Variants in SCPEP1 observed in about 807,000 individuals in gnomAD.
The protein encoded by SCPEP1 is serine carboxypeptidase 1.
SCPEP1 carries 51 observed loss-of-function variants against 63.8 expected under a neutral mutation model. The observed-to-expected ratio is 0.80, with a 90% CI of 0.64 to 1.01. The LOEUF is 1.01. Ranked by LOEUF, SCPEP1 falls within the 50% of genes least tolerant of loss-of-function variation. The probability of loss-of-function intolerance (pLI) is 0.00; values close to 1 mark genes in which losing one functional copy is unlikely to be tolerated. For missense variants in SCPEP1, 499 were observed against 554.9 expected (o/e 0.90, Z 1.01); for synonymous variants, 204 against 207.8 (o/e 0.98, Z 0.16).
rs1341861081 is a variant in SCPEP1, at chr17:57,000,724, A to C, written c.995-131A>C. The C allele has an allele frequency of 1.9e-6, 2 of 1,062,758 alleles. 1 individual carries two copies. The highest frequency in any genetic ancestry group is 4.9e-5 in the East Asian group (2 of 41,184). 65.8% of individuals were successfully genotyped at this position (1,062,758 alleles called of 1,614,324 possible). ...TCGGCACAAATTTCTGGGCTGGTTC[A>C]TCCCTGTTTGTGAAGCATCTGTGCA... is the stretch of plus-strand genomic sequence containing the variant. On this transcript the variant is annotated intron_variant, in intron 10 of 12. Coordinates refer to ENST00000262288, the MANE Select transcript of SCPEP1 (RefSeq NM_021626.3).
At chr17:56,999,183 G>T (rs990947798) in intron 10 of SCPEP1, among the ~76,000 whole-genome samples, 3 of 152,172 alleles carry the variant, frequency 2.0e-5, no homozygotes, top group African/African-American at 7.2e-5. Context: ...TTGCAGATGA[G>T]ATTTCGCGCC....
In SCPEP1 at chr17:56,984,482, T is replaced by C. The variant is rs1450371710; in HGVS notation, c.226-896T>C. ...CCTATTTGCCTCTTAGTTTCTTTTT[T>C]CTCTGAAGCCCTCAGAGCCCATAGA... On this transcript the variant is annotated intron_variant, in intron 2 of 12. Coordinates refer to ENST00000262288, the MANE Select transcript of SCPEP1 (RefSeq NM_021626.3). The C allele has an allele frequency of 2.0e-5, 3 of 152,260 alleles. No homozygotes were observed. In the East Asian group the frequency reaches 5.8e-4, roughly 29 times the overall value. The allele number at this position is 152,260 out of a possible 1,614,324, so 9.4% of individuals were successfully genotyped here.
Position 56,987,699 on chromosome 17 carries a change from A to T in SCPEP1, c.320A>T (p.Gln107Leu). The change falls in exon 4 of 13, where the codon CAG becomes CTG. Residue 107 changes from glutamine (Q) to leucine (L), a missense_variant. Coordinates refer to ENST00000262288, the MANE Select transcript of SCPEP1 (RefSeq NM_021626.3). ...GTTTTCCTCCGTGGTACATAGCTCC[A>T]GGCTGCCAGTCTCCTATTTGTGGAT... ...DLKPRKTTWL[Q>L]AASLLFVDNP... The T allele has an allele frequency of 6.2e-7, 1 of 1,613,410 alleles. No homozygotes were observed.
At chr17:56,986,494 A>C in intron 3 of SCPEP1, among the ~76,000 whole-genome samples, 1 of 151,216 alleles carries the variant, frequency 6.6e-6, no homozygotes, top group East Asian at 1.9e-4. Flanking sequence ...CTGGGATTAC[A>C]GGTGTGAGCC....
At chr17:57,002,945 A>G (rs1364293006) in intron 12 of SCPEP1, among the ~76,000 whole-genome samples, 4 of 152,122 alleles carry the variant, frequency 2.6e-5, no homozygotes, top group Non-Finnish European at 5.9e-5. Flanking sequence ...GTTTCCTAAC[A>G]AAATTCCGCT....
intron 12 of SCPEP1, among the ~76,000 whole-genome samples, chr17:57,003,453 A>G (rs1396353163): frequency 6.6e-6 from 1 of 152,186 alleles, no homozygotes; most frequent in African/African-American, 2.4e-5. Flanking sequence ...TGAAGTGTAA[A>G]GAAGGGAAAA....
At chr17:57,001,016 C>T (rs1482727326) in intron 11 of SCPEP1, 24 bp downstream of exon 11, 23 of 1,613,594 alleles carry the variant, frequency 1.4e-5, no homozygotes, top group Non-Finnish European at 1.7e-5. Flanking sequence ...CTGAGAGGCA[C>T]CTAGAGGCAG....
rs1911727689 is a variant in SCPEP1 at position 57,001,064 on chromosome 17, A to G, written c.1132+72A>G. The G allele has an allele frequency of 2.0e-6, 3 of 1,523,664 alleles. No homozygotes were observed. In the South Asian group the frequency reaches 3.4e-5, roughly 17 times the overall value. 94.4% of individuals were successfully genotyped at this position (1,523,664 alleles called of 1,614,324 possible). A position where few individuals can be genotyped will look rare whatever the true frequency, so the allele number is the denominator to read the frequency against. Reference sequence around the variant, plus strand: ...AACTGGAAGGGAACTGGCCTTGGACATGTCAGTCTTGCGGTGGGTGATGTT... The same window carrying G: ...AACTGGAAGGGAACTGGCCTTGGACGTGTCAGTCTTGCGGTGGGTGATGTT... On this transcript the variant is annotated intron_variant, in intron 11 of 12. Transcript: ENST00000262288.
chr17:57,006,056 A>C, intron 12 of SCPEP1, 117 bp from the exon 13 acceptor site: 1 of 709,332 alleles, frequency 1.4e-6, no homozygotes, highest in Non-Finnish European at 2.4e-6. Context: ...AGGTGTCTGC[A>C]CAGGTTGCTG....
chr17:56,981,305 C>A, intron 2 of SCPEP1, 75 bp downstream of exon 2: 1 of 1,551,670 alleles, frequency 6.4e-7, no homozygotes, highest in Non-Finnish European at 8.8e-7. Flanking sequence ...GCTTTTTGGG[C>A]TGATGTCTCA....
intron 3 of SCPEP1, among the ~76,000 whole-genome samples, chr17:56,986,841 G>A (rs990673880): frequency 1.3e-5 from 2 of 152,196 alleles, no homozygotes; most frequent in Non-Finnish European, 2.9e-5. Flanking sequence ...CACCGTGCGC[G>A]GCCTCTGGTC....
intron 12 of SCPEP1, among the ~76,000 whole-genome samples, chr17:57,004,923 A>G (rs1031000210): frequency 2.6e-5 from 4 of 152,240 alleles, no homozygotes; most frequent in Non-Finnish European, 5.9e-5. Flanking sequence ...ACAACATACC[A>G]TTAATACAGT....
At position 56,978,241 on chromosome 17, in the gene SCPEP1, T is replaced by A. The variant is rs377529090; in HGVS notation, c.76+6T>A. The A allele has an allele frequency of 1.9e-5, 29 of 1,536,980 alleles. No individual in the cohort carries two copies. Among genetic ancestry groups the A allele is most frequent in the Non-Finnish European group, 6.1e-6 (7 of 1,145,958 alleles). ...GCTGCTGGGCCTGAACGCAGGTAGG[T>A]TCAAGCAAGAGGCGCACCAGCTGCC... On this transcript the variant is annotated splice_donor_region_variant and intron_variant, in intron 1 of 12. Transcript: ENST00000262288.
chr17:56,978,294 G>A lies in SCPEP1; in HGVS notation c.76+59G>A. On this transcript the variant is annotated intron_variant, in intron 1 of 12. Coordinates refer to ENST00000262288, the MANE Select transcript of SCPEP1 (RefSeq NM_021626.3). ...GCCTCTTTTTTCTCCAGGCGTGAGA[G>A]TTTGTTACTGGGTTTGTGCTTTTGA... 1.1e-5 allele frequency: 16 copies of A among 1,483,774 alleles called. No homozygotes were observed. In the South Asian group the frequency reaches 1.9e-4, roughly 17 times the overall value. The allele number at this position is 1,483,774 out of a possible 1,614,324, so 91.9% of individuals were successfully genotyped here. A position where few individuals can be genotyped will look rare whatever the true frequency, so the allele number is the denominator to read the frequency against.
chr17:56,986,851 C>G (rs1911237674), intron 3 of SCPEP1, among the ~76,000 whole-genome samples: 1 of 152,202 alleles, frequency 6.6e-6, no homozygotes, highest in East Asian at 1.9e-4. Context: ...GGCCTCTGGT[C>G]TTTCTTAAGT....
chr17:56,995,115 T>C, intron 7 of SCPEP1, 97 bp downstream of exon 7: 1 of 1,120,996 alleles, frequency 8.9e-7, no homozygotes, highest in South Asian at 1.3e-5. Flanking sequence ...AGTTTGCCTA[T>C]GTGGTTGACA....
intron 7 of SCPEP1, 45 bp from the exon 8 acceptor site, chr17:56,995,461 CG>C: frequency 6.3e-7 from 1 of 1,595,294 alleles, no homozygotes; most frequent in Non-Finnish European, 8.5e-7. Flanking sequence ...ACCAGATTGA[CG>C]TTCCCAAGTA....
chr17:56,979,134 A>G (rs923374225), intron 1 of SCPEP1, among the ~76,000 whole-genome samples: 2 of 152,148 alleles, frequency 1.3e-5, no homozygotes, highest in African/African-American at 4.8e-5. Flanking sequence ...TCCTCAGGAC[A>G]CTTTCTGGTT....
At chr17:57,000,727 C>G in intron 10 of SCPEP1, 128 bp from the exon 11 acceptor site, 1 of 1,092,828 alleles carries the variant, frequency 9.2e-7, no homozygotes, top group South Asian at 1.4e-5. Context: ...CTGGTTCATC[C>G]CTGTTTGTGA....
Sources: allele counts gnomAD v4.1 joint callset (sites outside exome capture counted in the v4.1 genomes callset), GRCh38; gene constraint gnomAD v4.1.1; transcripts MANE v1.5; gene names NCBI Gene and HGNC (gene_info 2026-07-23, HGNC 2026-07-21).